The following RARB variants were observed in gnomAD, a reference collection of about 807,000 sequenced individuals.
RARB encodes retinoic acid receptor beta.
Under a neutral mutation model 51.9 loss-of-function variants are expected in RARB, and 17 were observed. The ratio of observed to expected loss-of-function variants is 0.33; its 90% CI spans 0.22 to 0.49. The LOEUF (loss-of-function observed/expected upper bound fraction) is 0.49, where lower values mean the gene tolerates loss of function less well. Among genes scored for constraint, RARB ranks in the 20% least tolerant of loss-of-function variants. RARB has a pLI of 0.99. For missense variants in RARB, 369 were observed against 550.8 expected, an observed-to-expected ratio of 0.67 and a Z score of 3.30; for synonymous variants, 215 against 195.4, an observed-to-expected ratio of 1.10 and a Z score of -0.84.
At chr3:25,276,769 C>A (rs1433754886) in intron 5 of RARB, among the ~76,000 whole-genome samples, 1 of 152,180 alleles carries the variant, frequency 6.6e-6, no homozygotes, top group Non-Finnish European at 1.5e-5. Context: ...TGGTAGTAAA[C>A]CCAATGGCTG....
At chr3:24,903,407 C>T (rs570994796) in intron 2 of RARB, among the ~76,000 whole-genome samples, 21 of 152,014 alleles carry the variant, frequency 1.4e-4, no homozygotes, top group Middle Eastern at 3.4e-3. Flanking sequence ...TAAGTTTCCC[C>T]GGTGTTTAGA....
At chr3:24,963,725 A>C (rs996982147) in intron 2 of RARB, among the ~76,000 whole-genome samples, 1 of 151,974 alleles carries the variant, frequency 6.6e-6, no homozygotes, top group African/African-American at 2.4e-5. Flanking sequence ...CGGAGTATAT[A>C]GTTCATGCTT....
intron 5 of RARB, among the ~76,000 whole-genome samples, chr3:25,375,643 G>A (rs959490267): frequency 3.3e-5 from 5 of 152,146 alleles, no homozygotes; most frequent in African/African-American, 1.2e-4. Flanking sequence ...TTCTTGAGGG[G>A]TCTACGTTTC....
chr3:25,336,681 T>A (rs1167490304), intron 5 of RARB, among the ~76,000 whole-genome samples: 1 of 152,188 alleles, frequency 6.6e-6, no homozygotes, highest in Admixed American at 6.5e-5. Context: ...TGGACATTTA[T>A]GGCCACCTCT....
chr3:25,276,708 A>C (rs919102618), intron 5 of RARB, among the ~76,000 whole-genome samples: 1 of 152,208 alleles, frequency 6.6e-6, no homozygotes, highest in Non-Finnish European at 1.5e-5. Flanking sequence ...TAAAGAAAAG[A>C]AAAGCCAACT....
chr3:25,418,661 A>G (rs1474526894), intron 5 of RARB, among the ~76,000 whole-genome samples: 1 of 152,168 alleles, frequency 6.6e-6, no homozygotes. Context: ...GACCATGACA[A>G]CAGCTATAGG....
intron 2 of RARB, among the ~76,000 whole-genome samples, chr3:24,975,293 C>G (rs950739977): frequency 2.0e-5 from 3 of 152,082 alleles, no homozygotes; most frequent in African/African-American, 7.2e-5. Context: ...ACTGTTATTT[C>G]TAAAATTAAC....
At chr3:25,141,499 A>C (rs1343683629) in intron 4 of RARB, among the ~76,000 whole-genome samples, 1 of 152,178 alleles carries the variant, frequency 6.6e-6, no homozygotes, top group Non-Finnish European at 1.5e-5. Flanking sequence ...GGCAGCATCC[A>C]TGGAAATCTT....
intron 4 of RARB, among the ~76,000 whole-genome samples, chr3:25,578,064 C>G (rs755777029): frequency 1.3e-5 from 2 of 152,228 alleles, no homozygotes; most frequent in African/African-American, 2.4e-5. Flanking sequence ...TCCTCACCAC[C>G]CCACTTTCTG....
chr3:25,008,343 C>T (rs1559431764), intron 2 of RARB, among the ~76,000 whole-genome samples: 1 of 152,120 alleles, frequency 6.6e-6, no homozygotes, highest in Non-Finnish European at 1.5e-5. Context: ...ATACAGATGA[C>T]CGCTCCTCTG....
At chr3:25,555,640 G>T (rs1700026400) in intron 3 of RARB, 1 of 152,142 alleles carries the variant, frequency 6.6e-6, no homozygotes, top group African/African-American at 2.4e-5. Flanking sequence ...CGCAGCCTAG[G>T]ATTTCTTTGT....
chr3:25,105,452 G>C (rs1699481724), intron 3 of RARB, among the ~76,000 whole-genome samples: 1 of 150,782 alleles, frequency 6.6e-6, no homozygotes, highest in South Asian at 2.1e-4. Flanking sequence ...AAGATTTGTG[G>C]TGCCATAAAG....
At chr3:25,492,624 T>A (rs1433912509) in intron 2 of RARB, among the ~76,000 whole-genome samples, 1 of 152,218 alleles carries the variant, frequency 6.6e-6, no homozygotes, top group Admixed American at 6.5e-5. Context: ...AGGATTCACC[T>A]GACAAAATCC....
chr3:24,917,134 A>G (rs187262987), intron 2 of RARB, among the ~76,000 whole-genome samples: 3 of 152,294 alleles, frequency 2.0e-5, no homozygotes, highest in African/African-American at 7.2e-5. Flanking sequence ...GGTATGAATT[A>G]TTTGTGAAAT....
intron 2 of RARB, among the ~76,000 whole-genome samples, chr3:24,953,551 A>G (rs144213616): frequency 0.011 from 1,715 of 152,254 alleles, 36 homozygotes; most frequent in African/African-American, 0.039. Context: ...TTGGCTCTGG[A>G]GTGTCAAAAC....
At chr3:25,399,056 T>G (rs552126561) in intron 5 of RARB, among the ~76,000 whole-genome samples, 1 of 152,284 alleles carries the variant, frequency 6.6e-6, no homozygotes, top group Admixed American at 6.5e-5. Context: ...CAGGGCTCTT[T>G]TCACTCTACC....
At chr3:24,919,762 T>C (rs1695181344) in intron 2 of RARB, among the ~76,000 whole-genome samples, 1 of 152,230 alleles carries the variant, frequency 6.6e-6, no homozygotes, top group African/African-American at 2.4e-5. Flanking sequence ...AATTTTATTT[T>C]TCTTCATGGT....
chr3:25,343,022 CTTTGTGTGTGTG>C (rs1705277871), intron 5 of RARB, among the ~76,000 whole-genome samples: 1 of 89,390 alleles, frequency 1.1e-5, no homozygotes. Flanking sequence ...TTTGCAAGTA[CTTTGTGTGTGTG>C]TGTGTGTGTG....
chr3:25,268,759 C>T (rs1703184302), intron 5 of RARB, among the ~76,000 whole-genome samples: 1 of 152,144 alleles, frequency 6.6e-6, no homozygotes, highest in African/African-American at 2.4e-5. Context: ...GAAACCTTGC[C>T]TGACAACTCT....
Sources: gnomAD v4.1 joint callset for allele counts (sites outside exome capture counted in the v4.1 genomes callset) on GRCh38, gnomAD v4.1.1 for gene constraint, MANE v1.5 for transcripts, NCBI Gene and HGNC (gene_info 2026-07-23, HGNC 2026-07-21) for gene names.